Variants in POM121 observed in about 807,000 individuals in gnomAD.
The protein encoded by POM121 is POM121 transmembrane nucleoporin, also known as nuclear envelope pore membrane protein POM 121.
POM121 carries 32 observed loss-of-function variants against 81.3 expected under a neutral mutation model. The observed-to-expected ratio is 0.39, with a 90% CI of 0.30 to 0.53. The LOEUF (loss-of-function observed/expected upper bound fraction) is 0.53, where lower values mean the gene tolerates loss of function less well. POM121 is among the 20% of genes least tolerant of loss of function. POM121 has a pLI of 0.66. For missense variants in POM121, 1,138 were observed against 1,614.6 expected (o/e 0.70, Z 5.06); for synonymous variants, 514 against 694.2 (o/e 0.74, Z 4.08).
chr7:72,938,290 A>G (rs1554499908), intron 5 of POM121, among the ~76,000 whole-genome samples: 1 of 150,778 alleles, frequency 6.6e-6, no homozygotes, highest in Non-Finnish European at 1.5e-5. Flanking sequence ...GCAGTGGGGC[A>G]ATCTCAGCTC....
intron 3 of POM121, among the ~76,000 whole-genome samples, chr7:72,899,884 T>C (rs1213059957): frequency 6.0e-5 from 9 of 150,786 alleles, no homozygotes; most frequent in South Asian, 2.1e-4. Flanking sequence ...TGGTGCTTTA[T>C]ATTAAATTTA....
At position 72,945,724 on chromosome 7, in the gene POM121, C is replaced by G. The variant is rs1797622189; in HGVS notation, c.3652+16C>G. The G allele has an allele frequency of 6.2e-7, 1 of 1,605,294 alleles. No homozygotes were observed. The highest frequency in any genetic ancestry group is 8.5e-7 in the Non-Finnish European group (1 of 1,175,826). ...GCACCTTTCGGTAAGCAGCAAGCCA[C>G]CCTGTGGCCCTGCTCATCTGTCTGA... On this transcript the variant is annotated intron_variant, in intron 12 of 12. Coordinates refer to ENST00000434423, the MANE Select transcript of POM121 (RefSeq NM_001387691.1).
chr7:72,925,219 G>C lies in POM121; in HGVS notation c.98G>C (p.Arg33Thr). The C allele has an allele frequency of 1.3e-6, 2 of 1,530,838 alleles. No homozygotes were observed. The highest frequency in any genetic ancestry group is 1.7e-6 in the Non-Finnish European group (2 of 1,144,972). The allele number at this position is 1,530,838 out of a possible 1,614,324, so 94.8% of individuals were successfully genotyped here. ...GGCCGGGGCTGCGGCGGGCCGGCCA[G>C]GGCGGTGCTCCTGGGCCTGTCGCTG... ...GRGRGCGGPA[R>T]AVLLGLSLVG... Residue 33 changes from arginine (R) to threonine (T), a missense_variant, in exon 1 of 13, where the codon AGG becomes ACG. Physicochemically the swap from Arg to Thr is moderately conservative, Grantham distance 71. Coordinates refer to ENST00000434423, the MANE Select transcript of POM121 (RefSeq NM_001387691.1).
At chr7:72,890,999 C>T in exon 3 of POM121, 2 of 1,147,104 alleles carry the variant, frequency 1.7e-6, no homozygotes, top group South Asian at 1.4e-5. Flanking sequence ...AGTCCTTCTT[C>T]TTTTCCCATT....
At chr7:72,920,505 TCACCAC>T, upstream of POM121, among the ~76,000 whole-genome samples, 1 of 151,920 alleles carries the variant, frequency 6.6e-6, no homozygotes, top group South Asian at 2.1e-4. Flanking sequence ...CCAGTCACCA[TCACCAC>T]GCCCAGCTGA....
intron 3 of POM121, among the ~76,000 whole-genome samples, chr7:72,927,428 G>A (rs1423466609): frequency 6.6e-6 from 1 of 152,194 alleles, no homozygotes; most frequent in Non-Finnish European, 1.5e-5. Flanking sequence ...CCAATTTCCT[G>A]GCAGGGCAAG....
At chr7:72,937,748 G>T (rs11760353) in intron 5 of POM121, among the ~76,000 whole-genome samples, 71,823 of 151,868 alleles carry the variant, frequency 0.47, 17,604 homozygotes, top group South Asian at 0.58. Context: ...TGCAGTGTCC[G>T]CTCTGTGCCA....
upstream of POM121, among the ~76,000 whole-genome samples, chr7:72,923,684 C>T (rs1330415350): frequency 2.8e-5 from 4 of 144,794 alleles, no homozygotes; most frequent in Admixed American, 2.8e-4. Flanking sequence ...ACTGCAAGCT[C>T]CGCCTCCCGG....
intron 5 of POM121, among the ~76,000 whole-genome samples, chr7:72,935,059 T>C (rs1431801693): frequency 6.6e-6 from 1 of 152,028 alleles, no homozygotes; most frequent in East Asian, 1.9e-4. Context: ...AAAAAAAAGT[T>C]CTGAGATACT....
In POM121 at chr7:72,926,320, C is replaced by T. The variant is rs1221547911; in HGVS notation, c.703C>T (p.His235Tyr). ...VITPRRRYPI[H>Y]QAQYSCLGVL... ...AACACCTAGAAGACGCTATCCGATC[C>T]ATCAGGCCCAGTATTCCTGTCTGGG... Residue 235 changes from histidine to tyrosine, a missense_variant, in exon 2 of 13, where the codon CAT (histidine) becomes TAT (tyrosine). His to Tyr is a moderately conservative substitution (Grantham distance 83). This residue lies in a region of POM121 where 646 missense variants were observed against 633.5 expected (regional missense o/e 1.02). Coordinates refer to ENST00000434423, the MANE Select transcript of POM121 (RefSeq NM_001387691.1). 6.2e-7 allele frequency: 1 copy of T among 1,607,808 alleles called. No individual in the cohort carries two copies. The highest frequency in any genetic ancestry group is 2.2e-5 in the East Asian group (1 of 44,644).
At chr7:72,902,217 AATTTTTC>A (rs1342851414) in intron 3 of POM121, among the ~76,000 whole-genome samples, 1 of 149,662 alleles carries the variant, frequency 6.7e-6, no homozygotes, top group Admixed American at 6.6e-5. Flanking sequence ...TAGTCTGGTG[AATTTTTC>A]ATTTCCATTT....
At chr7:72,936,737 G>C (rs1554499593) in intron 5 of POM121, among the ~76,000 whole-genome samples, 1 of 152,134 alleles carries the variant, frequency 6.6e-6, no homozygotes, top group Admixed American at 6.5e-5. Context: ...ACCCTTGCTT[G>C]CTCAGTGATG....
At chr7:72,939,536 G>A in intron 7 of POM121, 127 bp downstream of exon 7, 1 of 1,400,934 alleles carries the variant, frequency 7.1e-7, no homozygotes, top group Non-Finnish European at 9.6e-7. Context: ...TAGATACAAA[G>A]AGAGAGATTT....
At chr7:72,936,326 C>G (rs1320268613) in intron 5 of POM121, among the ~76,000 whole-genome samples, 1 of 151,726 alleles carries the variant, frequency 6.6e-6, no homozygotes, top group Non-Finnish European at 1.5e-5. Flanking sequence ...CCACACCTGG[C>G]TAATTTTTGT....
Position 72,942,829 on chromosome 7 carries a change from C to T in POM121, c.2836C>T (p.Pro946Ser). 9 of 1,558,622 alleles carry T rather than the reference C, an allele frequency of 5.8e-6. No homozygotes were observed. The highest frequency in any genetic ancestry group is 7.8e-6 in the Non-Finnish European group (9 of 1,154,822). Residue 946 changes from proline to serine, a missense_variant, in exon 11 of 13, where the codon CCC (proline) becomes TCC (serine). By Grantham distance (74) the Pro-to-Ser change is moderately conservative (BLOSUM62 -1). Transcript: ENST00000434423. ...TCTGACGTTCAGTAACACGAGCACC[C>T]CCACGTTCAACATTCCCTTTGGCTC... ...PTLTFSNTSTPTFNIPFGSSA... is the reference protein window; with the variant it reads ...PTLTFSNTSTSTFNIPFGSSA...
chr7:72,914,974 T>TA (rs782490808), intron 4 of POM121, among the ~76,000 whole-genome samples: 1 of 152,172 alleles, frequency 6.6e-6, no homozygotes, highest in Non-Finnish European at 1.5e-5. Context: ...ATTTTTTACT[T>TA]ACAGGTGGTA....
At chr7:72,927,097 T>C (rs1263301161) in intron 3 of POM121, 134 bp downstream of exon 3, 1 of 1,401,424 alleles carries the variant, frequency 7.1e-7, no homozygotes, top group Non-Finnish European at 9.9e-7. Context: ...TTGGCTTACA[T>C]GGAGGAATCT....
chr7:72,904,806 C>G (rs1793075369), intron 3 of POM121, among the ~76,000 whole-genome samples: 1 of 152,136 alleles, frequency 6.6e-6, no homozygotes, highest in Non-Finnish European at 1.5e-5. Context: ...GGGGAGGTCT[C>G]AGGACACTTA....
intron 4 of POM121, among the ~76,000 whole-genome samples, chr7:72,914,389 T>TG (rs1554494797): frequency 6.6e-6 from 1 of 151,912 alleles, no homozygotes; most frequent in East Asian, 1.9e-4. Flanking sequence ...TCCCGGATGA[T>TG]AATGATTGTT....
Sources: allele counts gnomAD v4.1 joint callset (sites outside exome capture counted in the v4.1 genomes callset), GRCh38; gene constraint gnomAD v4.1.1; regional missense constraint gnomAD v4.1.1; transcripts MANE v1.5; gene names NCBI Gene and HGNC (gene_info 2026-07-23, HGNC 2026-07-21).